SLC35F3: variants seen among roughly 807,000 people sequenced by gnomAD.
SLC35F3 encodes the protein putative thiamine transporter SLC35F3.
A neutral mutation model predicts 49.9 loss-of-function variants in SLC35F3; 25 were observed. The observed-to-expected ratio is 0.50, with a 90% confidence interval of 0.37 to 0.70. SLC35F3 has a LOEUF of 0.70. SLC35F3 is among the 30% of genes least tolerant of loss of function. The probability of loss-of-function intolerance (pLI) is 0.00; values close to 1 mark genes in which losing one functional copy is unlikely to be tolerated. For missense variants in SLC35F3, 525 were observed against 639.8 expected (o/e 0.82, Z 1.94); for synonymous variants, 275 against 265.4 (o/e 1.04, Z -0.35).
intron 2 of SLC35F3, among the ~76,000 whole-genome samples, chr1:234,225,467 T>G (rs1007682963): frequency 1.3e-5 from 2 of 151,606 alleles, no homozygotes; most frequent in African/African-American, 4.9e-5. Flanking sequence ...GGGGCAGGAG[T>G]TGAGGGATGG....
At chr1:234,267,557 G>GC (rs1174113786) in intron 3 of SLC35F3, among the ~76,000 whole-genome samples, 411 of 126,592 alleles carry the variant, frequency 3.2e-3, no homozygotes, top group African/African-American at 0.01. Context: ...GGGCAGAGGG[G>GC]TCCTCACTTC....
At chr1:234,068,106 A>G (rs760331575) in intron 2 of SLC35F3, among the ~76,000 whole-genome samples, 19 of 152,178 alleles carry the variant, frequency 1.2e-4, no homozygotes, top group Non-Finnish European at 2.6e-4. Context: ...AGGATAATGA[A>G]CCACTTATGA....
At position 234,323,245 on chromosome 1, in the gene SLC35F3, A is replaced by G. The variant is rs1657674658; in HGVS notation, c.*2A>G. ...GCCCGCCCTTCCTTCGCCCGCTAACACCACTCCTCTAGAACTCGGTGGTAA... is the reference window on the plus strand; with the variant it reads ...GCCCGCCCTTCCTTCGCCCGCTAACGCCACTCCTCTAGAACTCGGTGGTAA... On this transcript the variant is annotated 3_prime_UTR_variant, in exon 8 of 8. Coordinates refer to ENST00000366618, the MANE Select transcript of SLC35F3 (RefSeq NM_173508.4). This position sits in a 1 kb window ranked among gnomAD's most constrained non-coding sequence, Gnocchi z 4.5. 6.2e-7 allele frequency: 1 copy of G among 1,612,154 alleles called. No homozygotes were observed.
chr1:233,907,570 C>A (rs1661797307), intron 2 of SLC35F3, among the ~76,000 whole-genome samples: 1 of 152,164 alleles, frequency 6.6e-6, no homozygotes, highest in African/African-American at 2.4e-5. Flanking sequence ...TGTGAGGATT[C>A]TTCTTTATTC....
chr1:234,023,762 A>G (rs187405994), intron 2 of SLC35F3, among the ~76,000 whole-genome samples: 56 of 152,196 alleles, frequency 3.7e-4, no homozygotes, highest in African/African-American at 1.3e-3. Flanking sequence ...ATGTGATGAA[A>G]TGCCACTTTA....
chr1:234,005,265 G>A (rs191237451), intron 2 of SLC35F3, among the ~76,000 whole-genome samples: 2 of 152,210 alleles, frequency 1.3e-5, no homozygotes, highest in African/African-American at 4.8e-5. Flanking sequence ...CTAATAATAA[G>A]GAAGCAATTA....
intron 2 of SLC35F3, among the ~76,000 whole-genome samples, chr1:233,939,309 G>T (rs1287498621): frequency 1.3e-5 from 2 of 152,054 alleles, no homozygotes; most frequent in African/African-American, 4.8e-5. Context: ...TAAAAAATTG[G>T]TTGGGTATGG....
At chr1:234,159,307 G>A (rs974442904) in intron 2 of SLC35F3, among the ~76,000 whole-genome samples, 7 of 152,124 alleles carry the variant, frequency 4.6e-5, no homozygotes, top group East Asian at 1.9e-4. Context: ...GGCTGGGCAC[G>A]GTGGTTCACG....
chr1:234,311,508 T>G (rs1251597149), intron 4 of SLC35F3, among the ~76,000 whole-genome samples: 1 of 152,236 alleles, frequency 6.6e-6, no homozygotes, highest in African/African-American at 2.4e-5. Context: ...CACAGCCTTA[T>G]GTTTGTGGAA....
intron 3 of SLC35F3, among the ~76,000 whole-genome samples, chr1:234,274,991 A>G (rs537738328): frequency 6.6e-6 from 1 of 152,160 alleles, no homozygotes; most frequent in Non-Finnish European, 1.5e-5. Context: ...ACCCACTCCT[A>G]TTCTATTCCA....
chr1:234,030,204 G>T (rs779539616), intron 2 of SLC35F3, among the ~76,000 whole-genome samples: 2 of 152,064 alleles, frequency 1.3e-5, no homozygotes, highest in Admixed American at 6.6e-5. Flanking sequence ...CCACAGAAAC[G>T]GTGACCCTTC....
intron 3 of SLC35F3, among the ~76,000 whole-genome samples, chr1:234,295,697 T>C (rs1357754085): frequency 6.6e-6 from 1 of 152,350 alleles, no homozygotes; most frequent in East Asian, 1.9e-4. Flanking sequence ...AAAATTCTTT[T>C]TCATAGCGAG....
At chr1:233,924,381 A>G (rs1348310211) in intron 2 of SLC35F3, among the ~76,000 whole-genome samples, 1 of 152,166 alleles carries the variant, frequency 6.6e-6, no homozygotes, top group Non-Finnish European at 1.5e-5. Flanking sequence ...GGGACGGTGT[A>G]TGTGTCCAGG....
chr1:234,273,448 C>A (rs1360197077), intron 3 of SLC35F3, among the ~76,000 whole-genome samples: 1 of 152,206 alleles, frequency 6.6e-6, no homozygotes, highest in Non-Finnish European at 1.5e-5. Flanking sequence ...GCCCCCCTAT[C>A]TGGAGTAGCC....
intron 2 of SLC35F3, among the ~76,000 whole-genome samples, chr1:233,936,112 T>C (rs1407936887): frequency 3.9e-5 from 6 of 152,208 alleles, no homozygotes; most frequent in Non-Finnish European, 7.3e-5. Context: ...AACTATGTAT[T>C]TGTTTTTGGT....
chr1:234,076,364 G>C (rs1198796070), intron 2 of SLC35F3, among the ~76,000 whole-genome samples: 3 of 152,034 alleles, frequency 2.0e-5, no homozygotes, highest in African/African-American at 7.2e-5. Flanking sequence ...TTAAGAGGCT[G>C]AGGTGAGAGG....
Position 234,274,720 on chromosome 1 carries a change from C to T in SLC35F3, c.609-34381C>T, listed in dbSNP as rs116665140. Among the ~76,000 whole-genome samples the T allele has an allele frequency of 8.3e-3, 1,258 of 152,294 alleles. 19 individuals are homozygous for T. The highest frequency in any genetic ancestry group is 0.028 in the African/African-American group (1,163 of 41,562). The stretch of plus-strand genomic sequence containing the variant: ...GCAGATTCCAACTGCTGAGGAAGAA[C>T]ACCCTGGCTGGTGACTTTGCCCCTA... On this transcript the variant is annotated intron_variant, in intron 3 of 7. Transcript: ENST00000366618.
intron 2 of SLC35F3, among the ~76,000 whole-genome samples, chr1:234,139,960 A>AAAATAAAATAAAAT (rs1665870368): frequency 2.3e-5 from 3 of 128,556 alleles, no homozygotes; most frequent in African/African-American, 9.3e-5. Flanking sequence ...ATAATAAAAT[A>AAAATAAAATAAAAT]AAATAAAATA....
chr1:234,277,775 A>C (rs1668235399), intron 3 of SLC35F3, among the ~76,000 whole-genome samples: 1 of 152,248 alleles, frequency 6.6e-6, no homozygotes, highest in South Asian at 2.1e-4. Flanking sequence ...ATTAGGACAA[A>C]CAAGACTGAT....
Sources: allele counts gnomAD v4.1 joint callset (sites outside exome capture counted in the v4.1 genomes callset), GRCh38; gene constraint gnomAD v4.1.1; non-coding constraint Gnocchi (gnomAD v3.1); transcripts MANE v1.5; gene names NCBI Gene and HGNC (gene_info 2026-07-23, HGNC 2026-07-21).